Variants in NBEA observed in about 807,000 individuals in gnomAD.
NBEA encodes neurobeachin, also known as lysosomal-trafficking regulator 2.
A neutral mutation model predicts 343.4 loss-of-function variants in NBEA; 44 were observed. The observed-to-expected ratio is 0.13, with a 90% CI of 0.10 to 0.16. NBEA has a LOEUF of 0.16. Among genes scored for constraint, NBEA ranks in the 10% least tolerant of loss-of-function variants. The pLI, the probability that NBEA is intolerant of heterozygous loss-of-function variation, is 1.00. For missense variants in NBEA, 2,555 were observed against 3,631.3 expected (o/e 0.70, Z 7.62); for synonymous variants, 1,175 against 1,238.7 (o/e 0.95, Z 1.08).
chr13:35,183,650 A>G (rs1364202221), intron 29 of NBEA, among the ~76,000 whole-genome samples: 1 of 152,014 alleles, frequency 6.6e-6, no homozygotes, highest in Non-Finnish European at 1.5e-5. Flanking sequence ...ACCATTTAAA[A>G]CACTAAGACT....
At chr13:35,552,186 A>G (rs1056100082) in intron 43 of NBEA, among the ~76,000 whole-genome samples, 1 of 152,214 alleles carries the variant, frequency 6.6e-6, no homozygotes, top group African/African-American at 2.4e-5. Flanking sequence ...ATCTTTGTCT[A>G]TCCTCCCTTA....
intron 27 of NBEA, among the ~76,000 whole-genome samples, chr13:35,176,562 C>T (rs2070915561): frequency 6.6e-6 from 1 of 151,904 alleles, no homozygotes; most frequent in African/African-American, 2.4e-5. Context: ...CGTTTCTAAC[C>T]TTGGATAGAC....
At chr13:35,514,565 AAT>A (rs1275035711) in intron 41 of NBEA, among the ~76,000 whole-genome samples, 1 of 151,976 alleles carries the variant, frequency 6.6e-6, no homozygotes, top group Admixed American at 6.6e-5. Context: ...GTCATAGAGG[AAT>A]TTTTATTAAT....
chr13:35,172,987 C>T (rs2070588032), intron 26 of NBEA, among the ~76,000 whole-genome samples: 1 of 152,022 alleles, frequency 6.6e-6, no homozygotes, highest in Non-Finnish European at 1.5e-5. Flanking sequence ...AATTTGGGGA[C>T]CTGTGAGACT....
intron 36 of NBEA, among the ~76,000 whole-genome samples, chr13:35,311,015 G>A (rs1310676617): frequency 1.3e-5 from 2 of 151,794 alleles, no homozygotes; most frequent in Non-Finnish European, 2.9e-5. Flanking sequence ...GATATTTTGT[G>A]ACCTAATCAT....
chr13:34,980,816 C>A (rs550224623), intron 1 of NBEA, among the ~76,000 whole-genome samples: 1 of 151,978 alleles, frequency 6.6e-6, no homozygotes, highest in Admixed American at 6.6e-5. Flanking sequence ...GAGTTTATAC[C>A]ATCTGAATTT....
In NBEA at chr13:35,291,232, G is replaced by A. The variant is rs186302172; in HGVS notation, c.5838+782G>A. Among the ~76,000 whole-genome samples, 508 of 151,758 alleles carry A rather than the reference G, an allele frequency of 3.3e-3. 1 individual carries two copies. The highest frequency in any genetic ancestry group is 5.6e-3 in the Non-Finnish European group (380 of 67,780). ...TAATAAGCAGTTATTATCTTTATTC[G>A]TAGTTTCCTCAGTAGAAAGAAACAT... is the stretch of plus-strand genomic sequence containing the variant. On this transcript the variant is annotated intron_variant, in intron 35 of 58. Coordinates refer to ENST00000379939, the MANE Select transcript of NBEA (RefSeq NM_001385012.1).
In NBEA at chr13:35,055,992, T is replaced by G; in HGVS notation, c.973-18T>G. ...AACCAAACATTACATATTGATATAT[T>G]TAATTTTTTTATTTAAGTGGTACAT... On this transcript the variant is annotated intron_variant, in intron 6 of 58. Coordinates refer to ENST00000379939, the MANE Select transcript of NBEA (RefSeq NM_001385012.1). The G allele has an allele frequency of 1.9e-6, 3 of 1,561,812 alleles. No individual in the cohort carries two copies. Among genetic ancestry groups the G allele is most frequent in the Non-Finnish European group, 1.7e-6 (2 of 1,152,316 alleles).
chr13:35,050,569 G>A (rs2063030360), intron 6 of NBEA, among the ~76,000 whole-genome samples, 174 bp downstream of exon 6: 1 of 151,776 alleles, frequency 6.6e-6, no homozygotes, highest in African/African-American at 2.4e-5. Flanking sequence ...TCTTCTGTAA[G>A]ATCAGTGTTT....
chr13:35,446,921 A>G (rs1286521258), intron 39 of NBEA, among the ~76,000 whole-genome samples: 1 of 152,126 alleles, frequency 6.6e-6, no homozygotes, highest in African/African-American at 2.4e-5. Context: ...CTGAGTCTAC[A>G]TTAAAACTGG....
chr13:35,335,881 T>C (rs950722464), intron 36 of NBEA, among the ~76,000 whole-genome samples: 1 of 152,038 alleles, frequency 6.6e-6, no homozygotes, highest in Non-Finnish European at 1.5e-5. Flanking sequence ...GGGGGCTACA[T>C]GCATCCTCTG....
At chr13:35,165,122 C>G in intron 24 of NBEA, 1 of 533,930 alleles carries the variant, frequency 1.9e-6, no homozygotes, top group Non-Finnish European at 3.9e-6. Context: ...GAAACTCATC[C>G]TTAAGCTCAG....
At chr13:35,224,046 A>T (rs947700672) in intron 33 of NBEA, among the ~76,000 whole-genome samples, 1 of 152,104 alleles carries the variant, frequency 6.6e-6, no homozygotes, top group African/African-American at 2.4e-5. Flanking sequence ...ATGGCCTCCT[A>T]CATTCGGCAT....
At chr13:35,584,795 C>T (rs952858353) in intron 46 of NBEA, among the ~76,000 whole-genome samples, 5 of 151,844 alleles carry the variant, frequency 3.3e-5, no homozygotes, top group Admixed American at 1.3e-4. Flanking sequence ...CCACCACGCC[C>T]GGCCCAGCTA....
intron 49 of NBEA, among the ~76,000 whole-genome samples, chr13:35,636,224 A>G (rs1388716170): frequency 6.6e-6 from 1 of 152,190 alleles, no homozygotes; most frequent in East Asian, 1.9e-4. Context: ...ATATTACTCA[A>G]TCTAAGTACC....
intron 36 of NBEA, among the ~76,000 whole-genome samples, chr13:35,314,083 A>G (rs1481804481): frequency 6.6e-6 from 1 of 152,176 alleles, no homozygotes; most frequent in East Asian, 1.9e-4. Context: ...GTGGAAGAGC[A>G]CTGAGAAAGG....
chr13:35,659,866 T>C (rs985340702), intron 55 of NBEA, among the ~76,000 whole-genome samples: 13 of 152,196 alleles, frequency 8.5e-5, no homozygotes, highest in African/African-American at 2.7e-4. Flanking sequence ...GAAACAGACT[T>C]TTACACAAAT....
chr13:35,028,473 A>G (rs2062089748), intron 1 of NBEA, among the ~76,000 whole-genome samples: 1 of 152,006 alleles, frequency 6.6e-6, no homozygotes, highest in South Asian at 2.1e-4. Context: ...ATATAGAAAT[A>G]GAATTGACTT....
At chr13:35,528,386 T>C (rs7337804) in intron 41 of NBEA, among the ~76,000 whole-genome samples, 31,300 of 152,178 alleles carry the variant, frequency 0.21, 4,350 homozygotes, top group African/African-American at 0.38. Flanking sequence ...AAATATTGAT[T>C]TTTAATTATA....
Sources: allele counts gnomAD v4.1 joint callset (sites outside exome capture counted in the v4.1 genomes callset), GRCh38; gene constraint gnomAD v4.1.1; transcripts MANE v1.5; gene names NCBI Gene and HGNC (gene_info 2026-07-23, HGNC 2026-07-21).